APAF1: variants seen among roughly 807,000 people sequenced by gnomAD.
APAF1 encodes the protein apoptotic protease-activating factor 1.
APAF1 carries 91 observed loss-of-function variants against 152.4 expected under a neutral mutation model. The observed-to-expected ratio is 0.60, with a 90% CI of 0.50 to 0.71. APAF1 has a LOEUF of 0.71. Among genes scored for constraint, APAF1 ranks in the 30% least tolerant of loss-of-function variants. APAF1 has a pLI of 0.00. For synonymous variants in APAF1, 484 were observed against 494.1 expected (o/e 0.98, Z 0.27); for missense variants, 1,283 against 1,472.0 (o/e 0.87, Z 2.10).
chr12:98,704,980 C>T (rs2097719826), intron 18 of APAF1, among the ~76,000 whole-genome samples: 1 of 151,970 alleles, frequency 6.6e-6, no homozygotes, highest in Non-Finnish European at 1.5e-5. Context: ...GATAGGGTTT[C>T]ACCATGTTGG....
At chr12:98,726,187 A>G (rs534580284) in intron 25 of APAF1, among the ~76,000 whole-genome samples, 1 of 152,348 alleles carries the variant, frequency 6.6e-6, no homozygotes, top group Admixed American at 6.5e-5. Flanking sequence ...TTTTAGATAT[A>G]TAATTTTGAC....
chr12:98,651,243 A>G (rs2097648580), intron 4 of APAF1, among the ~76,000 whole-genome samples: 1 of 152,046 alleles, frequency 6.6e-6, no homozygotes, highest in Admixed American at 6.5e-5. Context: ...TTTTCACTGT[A>G]TTTATTTATT....
At chr12:98,678,160 A>G (rs1038258481) in intron 13 of APAF1, among the ~76,000 whole-genome samples, 3 of 152,206 alleles carry the variant, frequency 2.0e-5, no homozygotes, top group Non-Finnish European at 4.4e-5. Context: ...TGTGTACTTT[A>G]TTACTAATTT....
At chr12:98,720,292 C>CT (rs1395187820) in intron 22 of APAF1, among the ~76,000 whole-genome samples, 2 of 152,128 alleles carry the variant, frequency 1.3e-5, no homozygotes, top group African/African-American at 4.8e-5. Context: ...GTTTCTTCCT[C>CT]TTTTTCTGTT....
intron 7 of APAF1, among the ~76,000 whole-genome samples, chr12:98,664,007 A>G (rs762594123): frequency 6.8e-5 from 10 of 147,996 alleles, no homozygotes; most frequent in East Asian, 2.0e-4. Context: ...TTGTTTGTTT[A>G]TTTATTTATT....
chr12:98,667,300 A>T (rs1016250175), intron 9 of APAF1, among the ~76,000 whole-genome samples: 1 of 151,694 alleles, frequency 6.6e-6, no homozygotes, highest in Non-Finnish European at 1.5e-5. Flanking sequence ...AAAATTAAAT[A>T]TACGGATATC....
intron 17 of APAF1, among the ~76,000 whole-genome samples, chr12:98,699,803 C>G (rs2097713432): frequency 6.6e-6 from 1 of 152,146 alleles, no homozygotes; most frequent in Non-Finnish European, 1.5e-5. Context: ...ATTGCTTTCC[C>G]CTATTAGGCA....
rs553861570 is a variant in APAF1, at chr12:98,680,229, G to A, written c.1921-48G>A. On this transcript the variant is annotated intron_variant, in intron 13 of 26. Transcript: ENST00000551964. ...AAAGATTTTTATTGAATGATGACCA[G>A]TAGTTAAGCAGTTTATTATAAAAAA... The A allele has an allele frequency of 3.3e-6, 5 of 1,526,202 alleles. No individual in the cohort carries two copies. The East Asian group carries it at 1.2e-4, about 37-fold the overall frequency. 94.5% of individuals were successfully genotyped at this position (1,526,202 alleles called of 1,614,324 possible).
rs180802127 is a variant in APAF1 at position 98,656,915 on chromosome 12, C to T, written c.527-2245C>T. ...TAACCTTTCCTATTGATGTAATCAC[C>T]GTCTCATTCATTGACGATTGGAGTT... On this transcript the variant is annotated intron_variant, in intron 4 of 26. Transcript: ENST00000551964. Among the ~76,000 whole-genome samples, 234 of 152,278 alleles carry T rather than the reference C, an allele frequency of 1.5e-3. 1 individual carries two copies. Among genetic ancestry groups the T allele is most frequent in the African/African-American group, 5.1e-3 (213 of 41,568 alleles).
chr12:98,700,634 T>C (rs2097714391), intron 17 of APAF1, among the ~76,000 whole-genome samples: 2 of 152,218 alleles, frequency 1.3e-5, no homozygotes, highest in South Asian at 4.1e-4. Flanking sequence ...ATGTAAAAGT[T>C]GCCATTTTAA....
chr12:98,661,323 G>C lies in APAF1; in HGVS notation c.711-1133G>C, dbSNP rs575746787. On this transcript the variant is annotated intron_variant, in intron 5 of 26. Coordinates refer to ENST00000551964, the MANE Select transcript of APAF1 (RefSeq NM_181861.2). The stretch of plus-strand genomic sequence containing the variant: ...TTTCCTTTTTTGCAAAATTAAAATT[G>C]ACTTCTGTTGAGTAAAATAATGTAG... Among the ~76,000 whole-genome samples, 17 of 152,102 alleles carry C rather than the reference G, an allele frequency of 1.1e-4. No homozygotes were observed. The East Asian group carries it at 2.7e-3, about 24-fold the overall frequency.
intron 13 of APAF1, among the ~76,000 whole-genome samples, 182 bp downstream of exon 13, chr12:98,677,733 C>T (rs988638054): frequency 6.6e-6 from 1 of 152,184 alleles, no homozygotes; most frequent in African/African-American, 2.4e-5. Flanking sequence ...TACATGTTTT[C>T]CTAATTCTAA....
At chr12:98,651,081 T>C (rs893487544) in intron 4 of APAF1, among the ~76,000 whole-genome samples, 1 of 152,224 alleles carries the variant, frequency 6.6e-6, no homozygotes, top group Non-Finnish European at 1.5e-5. Flanking sequence ...TTTAACTACT[T>C]TGTTTTGAGA....
Position 98,715,461 on chromosome 12 carries a change from C to T in APAF1, c.2993C>T (p.Ser998Phe). Reference sequence around the variant, plus strand: ...CTTGTAAACAATAGAATCTTCCAGTCCAGGTTTCAGCACAAGAAAACTGTA... The same window carrying T: ...CTTGTAAACAATAGAATCTTCCAGTTCAGGTTTCAGCACAAGAAAACTGTA... The part of the protein sequence containing the change: ...LELVNNRIFQ[S>F]RFQHKKTVWH... The change falls in exon 22 of 27, where the codon TCC (serine) becomes TTC (phenylalanine). Residue 998 changes from serine to phenylalanine, a missense_variant. By Grantham distance (155) the Ser-to-Phe change is radical (BLOSUM62 -2). Transcript: ENST00000551964. The T allele has an allele frequency of 1.9e-6, 3 of 1,613,190 alleles. No individual in the cohort carries two copies. The highest frequency in any genetic ancestry group is 2.5e-6 in the Non-Finnish European group (3 of 1,179,602).
chr12:98,659,809 T>C (rs932678063), intron 5 of APAF1, among the ~76,000 whole-genome samples: 6 of 151,026 alleles, frequency 4.0e-5, no homozygotes, highest in Non-Finnish European at 8.8e-5. Flanking sequence ...GCTTTCCTGC[T>C]TTTCTCTCTT....
chr12:98,727,487 C>T (rs951040474), intron 26 of APAF1, among the ~76,000 whole-genome samples, 171 bp downstream of exon 26: 2 of 150,218 alleles, frequency 1.3e-5, no homozygotes, highest in African/African-American at 4.9e-5. Flanking sequence ...GTCAAGGCTG[C>T]TTTGAGCCAT....
chr12:98,715,984 A>C (rs1414472377), intron 22 of APAF1, among the ~76,000 whole-genome samples: 2 of 152,366 alleles, frequency 1.3e-5, no homozygotes, highest in South Asian at 4.1e-4. Flanking sequence ...GACATAATAA[A>C]GAATTGTGGA....
chr12:98,698,249 C>T (rs1021910415), intron 16 of APAF1, among the ~76,000 whole-genome samples: 3 of 152,144 alleles, frequency 2.0e-5, no homozygotes, highest in East Asian at 1.9e-4. Flanking sequence ...GATGAGGTCT[C>T]ACTGTGTTGC....
chr12:98,705,233 A>AATCTCC (rs1458481602), intron 18 of APAF1, among the ~76,000 whole-genome samples: 1 of 152,200 alleles, frequency 6.6e-6, no homozygotes, highest in Non-Finnish European at 1.5e-5. Flanking sequence ...TCCAGGAAAC[A>AATCTCC]ATGAAAGAGT....
Sources: gnomAD v4.1 joint callset for allele counts (sites outside exome capture counted in the v4.1 genomes callset) on GRCh38, gnomAD v4.1.1 for gene constraint, MANE v1.5 for transcripts, NCBI Gene and HGNC (gene_info 2026-07-23, HGNC 2026-07-21) for gene names.